The following SYTL3 variants were observed in gnomAD, a reference collection of about 807,000 sequenced individuals.
The protein encoded by SYTL3 is synaptotagmin like 3.
In SYTL3, 88 loss-of-function variants were observed where a neutral mutation model predicts 82.1. The observed-to-expected ratio is 1.07, with a 90% CI of 0.90 to 1.28. The LOEUF (loss-of-function observed/expected upper bound fraction) is 1.28, where lower values mean the gene tolerates loss of function less well. Ranked by LOEUF, SYTL3 falls within the 50% of genes most tolerant of loss-of-function variation. The pLI is 0.00. For missense variants in SYTL3, 831 were observed against 757.6 expected (o/e 1.10, Z -1.14); for synonymous variants, 311 against 289.4 (o/e 1.07, Z -0.76).
chr6:158,678,691 G>A (rs1283195522), intron 5 of SYTL3, among the ~76,000 whole-genome samples: 2 of 152,152 alleles, frequency 1.3e-5, no homozygotes, highest in Non-Finnish European at 2.9e-5. Flanking sequence ...TCCAGTGCTT[G>A]GCATTTGTAA....
intron 8 of SYTL3, among the ~76,000 whole-genome samples, chr6:158,710,143 A>G (rs541204312): frequency 7.2e-5 from 11 of 152,246 alleles, no homozygotes; most frequent in Admixed American, 7.2e-4. Context: ...ACACTCAGAT[A>G]TACTAATGAC....
At chr6:158,731,977 C>G (rs1437275080) in intron 11 of SYTL3, among the ~76,000 whole-genome samples, 1 of 152,222 alleles carries the variant, frequency 6.6e-6, no homozygotes, top group African/African-American at 2.4e-5. Flanking sequence ...TAACCAAAAA[C>G]AGCTTACTAC....
At chr6:158,730,676 G>A (rs1409210100) in intron 11 of SYTL3, among the ~76,000 whole-genome samples, 5 of 152,158 alleles carry the variant, frequency 3.3e-5, no homozygotes, top group Admixed American at 6.5e-5. Flanking sequence ...CACATACCAC[G>A]CGGGCCAGGT....
In SYTL3 at chr6:158,757,252, G is replaced by T. The variant is rs1204935523; in HGVS notation, c.1179G>T (p.Gln393His). Residue 393 changes from glutamine (Q) to histidine (H), a missense_variant, in exon 14 of 18, where the codon CAG becomes CAT. Coordinates refer to ENST00000611299, the MANE Select transcript of SYTL3 (RefSeq NM_001242394.2). The part of the protein sequence containing the change: ...APAQLVTRQL[Q>H]VSVWHLGTLA... ...CCCAGCTGGTGACCCGGCAGCTGCAGGTCTCGGTGTGGCATCTGGGCACGC... is the reference window on the plus strand; with the variant it reads ...CCCAGCTGGTGACCCGGCAGCTGCATGTCTCGGTGTGGCATCTGGGCACGC... 1 of 1,612,636 alleles carries T rather than the reference G, an allele frequency of 6.2e-7. No individual in the cohort carries two copies. The highest frequency in any genetic ancestry group is 1.1e-5 in the South Asian group (1 of 91,044).
chr6:158,686,129 G>T (rs1381594968), intron 6 of SYTL3, among the ~76,000 whole-genome samples: 1 of 144,432 alleles, frequency 6.9e-6, no homozygotes, highest in Non-Finnish European at 1.5e-5. Flanking sequence ...CATGTCTCCT[G>T]AGTGAGTGGG....
chr6:158,719,399 G>A (rs1382404947), intron 10 of SYTL3, among the ~76,000 whole-genome samples: 3 of 152,124 alleles, frequency 2.0e-5, no homozygotes, highest in Admixed American at 6.5e-5. Flanking sequence ...GGGTCACTGG[G>A]GCTCTTAAAA....
intron 10 of SYTL3, among the ~76,000 whole-genome samples, chr6:158,724,341 C>A (rs1348986335): frequency 2.6e-5 from 4 of 152,222 alleles, no homozygotes; most frequent in Non-Finnish European, 5.9e-5. Context: ...GGAGGTAATC[C>A]TTTCTTTCAT....
chr6:158,712,850 C>T (rs1242872630), intron 8 of SYTL3, among the ~76,000 whole-genome samples: 1 of 151,696 alleles, frequency 6.6e-6, no homozygotes, highest in Non-Finnish European at 1.5e-5. Flanking sequence ...GCTCCGCCTC[C>T]CGGGTTCACA....
intron 5 of SYTL3, 84 bp downstream of exon 5, chr6:158,665,697 C>A: frequency 1.0e-6 from 1 of 993,176 alleles, no homozygotes; most frequent in Non-Finnish European, 1.5e-6. Flanking sequence ...AAAGAGAGCA[C>A]TCACTCCTCA....
At position 158,718,193 on chromosome 6, in the gene SYTL3, G is replaced by T; in HGVS notation, c.702G>T (p.Ala234=). The change falls in exon 10 of 18, where the codon GCG becomes GCT. Residue 234 remains alanine, a synonymous_variant. Transcript: ENST00000611299. ...AGAGACGGAGCCAGTCTGACACTGC[G>T]GTCAACGTCACCACCAGGGTACCCT... The part of the protein sequence containing the change: ...QTERRSQSDT[A]VNVTTRKVSA... 1 of 1,538,466 alleles carries T rather than the reference G, an allele frequency of 6.5e-7. No individual in the cohort carries two copies.
intron 13 of SYTL3, among the ~76,000 whole-genome samples, chr6:158,756,052 TAA>T (rs1160229176): frequency 6.6e-6 from 1 of 152,234 alleles, no homozygotes; most frequent in Non-Finnish European, 1.5e-5. Flanking sequence ...GTGAAATAAA[TAA>T]GTGTTCAATA....
intron 14 of SYTL3, among the ~76,000 whole-genome samples, chr6:158,757,640 A>C (rs1789311755): frequency 6.6e-6 from 1 of 152,196 alleles, no homozygotes; most frequent in African/African-American, 2.4e-5. Context: ...AGACTGGATC[A>C]GGTCCTGTGG....
rs1271183098 is a variant in SYTL3 at position 158,760,667 on chromosome 6, CAG to C, written c.1339_1340del (p.Ser447Ter). The C allele has an allele frequency of 6.2e-7, 1 of 1,614,082 alleles. No homozygotes were observed. The highest frequency in any genetic ancestry group is 8.5e-7 in the Non-Finnish European group (1 of 1,179,956). ...KAEKYEDSVPQSNGELTVRAK... is the reference protein window; with the variant it reads ...KAEKYEDSVPXSNGELTVRAK... ...GGAGAAATACGAAGACAGCGTTCCTCAGAGTAATGGAGAGCTCACAGTCCGGG... is the reference window on the plus strand; with the variant it reads ...GGAGAAATACGAAGACAGCGTTCCTCAGTAATGGAGAGCTCACAGTCCGGG... On this transcript the variant is annotated frameshift_variant, in exon 15 of 18. Transcript: ENST00000611299. LOFTEE classifies it high-confidence loss of function.
intron 14 of SYTL3, 108 bp downstream of exon 14, chr6:158,757,489 A>C: frequency 8.1e-7 from 1 of 1,240,078 alleles, no homozygotes. Flanking sequence ...CTTGGACCCA[A>C]GACTGTGTGT....
At chr6:158,674,981 G>A (rs1196555993) in intron 5 of SYTL3, among the ~76,000 whole-genome samples, 1 of 151,820 alleles carries the variant, frequency 6.6e-6, no homozygotes. Context: ...ACAGTTAGAG[G>A]GTGTGACACC....
chr6:158,716,170 C>A (rs1251956241), intron 9 of SYTL3, among the ~76,000 whole-genome samples: 2 of 152,146 alleles, frequency 1.3e-5, no homozygotes, highest in African/African-American at 4.8e-5. Context: ...CACTGTAGTC[C>A]CCCTTAGAAA....
intron 11 of SYTL3, among the ~76,000 whole-genome samples, chr6:158,735,887 A>G (rs1296838699): frequency 7.2e-5 from 11 of 152,210 alleles, no homozygotes; most frequent in African/African-American, 2.2e-4. Context: ...TCTAGAGGGC[A>G]ATTAGCAGTA....
chr6:158,664,943 T>C (rs1478633960), intron 4 of SYTL3, among the ~76,000 whole-genome samples: 1 of 152,210 alleles, frequency 6.6e-6, no homozygotes, highest in East Asian at 1.9e-4. Context: ...ATCAGTTGAT[T>C]TTATTGGGCA....
At position 158,665,597 on chromosome 6, in the gene SYTL3, G is replaced by A. The variant is rs1404510983; in HGVS notation, c.313G>A (p.Val105Met). ...GGGGACCCATGCCTGGAAGTGCACGGTGTGCTTCGAGGACAGGTAAGCATG... is the reference window on the plus strand; with the variant it reads ...GGGGACCCATGCCTGGAAGTGCACGATGTGCTTCGAGGACAGGTAAGCATG... ...LRGTHAWKCT[V>M]CFEDRNVKIK... Residue 105 changes from valine to methionine, a missense_variant, in exon 5 of 18, where the codon GTG (valine) becomes ATG (methionine). Coordinates refer to ENST00000611299, the MANE Select transcript of SYTL3 (RefSeq NM_001242394.2). 1.3e-6 allele frequency: 2 copies of A among 1,566,324 alleles called. No homozygotes were observed. The highest frequency in any genetic ancestry group is 1.7e-6 in the Non-Finnish European group (2 of 1,154,832).
Sources: allele counts gnomAD v4.1 joint callset (sites outside exome capture counted in the v4.1 genomes callset), GRCh38; gene constraint gnomAD v4.1.1; transcripts MANE v1.5; gene names NCBI Gene and HGNC (gene_info 2026-07-23, HGNC 2026-07-21).